MGA: variants seen among roughly 807,000 people sequenced by gnomAD.
The protein encoded by MGA is MAX gene-associated protein.
In MGA, 40 loss-of-function variants were observed where a neutral mutation model predicts 261.1. The ratio of observed to expected loss-of-function variants is 0.15; its 90% CI spans 0.12 to 0.20. The LOEUF (loss-of-function observed/expected upper bound fraction) is 0.20. Ranked by LOEUF, MGA falls within the 10% of genes least tolerant of loss-of-function variation. The pLI, the probability that MGA is intolerant of heterozygous loss-of-function variation, is 1.00. For synonymous variants in MGA, 1,302 were observed against 1,290.6 expected (o/e 1.01, Z -0.19); for missense variants, 3,397 against 3,630.5 (o/e 0.94, Z 1.65).
intron 11 of MGA, among the ~76,000 whole-genome samples, chr15:41,729,621 A>G (rs1417338547): frequency 6.6e-6 from 1 of 151,896 alleles, no homozygotes; most frequent in East Asian, 1.9e-4. Flanking sequence ...CAGGAGTTTG[A>G]GGCTAGCCTG....
At chr15:41,642,309 GTGT>G (rs1348262342) in intron 1 of MGA, among the ~76,000 whole-genome samples, 13 of 148,404 alleles carry the variant, frequency 8.8e-5, no homozygotes, top group African/African-American at 3.0e-4. Context: ...TTAATTTGTG[GTGT>G]TTTTTTTTTT....
chr15:41,697,205 A>C (rs2151305600), intron 3 of MGA, among the ~76,000 whole-genome samples, 182 bp downstream of exon 3: 1 of 152,286 alleles, frequency 6.6e-6, no homozygotes, highest in East Asian at 1.9e-4. Flanking sequence ...GAATAACTTA[A>C]GATACTTCAT....
chr15:41,733,045 G>A (rs1334596567), intron 11 of MGA, among the ~76,000 whole-genome samples: 2 of 152,066 alleles, frequency 1.3e-5, no homozygotes, highest in Non-Finnish European at 1.5e-5. Context: ...TGCAACCACC[G>A]TCTCTGGGGT....
Position 41,725,608 on chromosome 15 carries a change from C to T in MGA, c.3431-1572C>T, listed in dbSNP as rs1460680090. Among the ~76,000 whole-genome samples, 5 of 8,352 alleles carry T rather than the reference C, an allele frequency of 6.0e-4. 2 individuals carry two copies. 5.5% of individuals were successfully genotyped at this position (8,352 alleles called of 152,430 possible). A position where few individuals can be genotyped will look rare whatever the true frequency, so the allele number is the denominator to read the frequency against. ...CAGCACTTTGGGAGGCCGAGGCGGGCGGATCACGAGGTCAGGAGATCGAGA... is the reference window on the plus strand; with the variant it reads ...CAGCACTTTGGGAGGCCGAGGCGGGTGGATCACGAGGTCAGGAGATCGAGA... On this transcript the variant is annotated intron_variant, in intron 9 of 23. Coordinates refer to ENST00000219905, the MANE Select transcript of MGA (RefSeq NM_001164273.2).
Position 41,696,596 on chromosome 15 carries a change from G to A in MGA, c.1586G>A (p.Gly529Asp). ...TGCTTAGGCAAGGAATCAGAAAATG[G>A]TCTTAGAAAACATTCACCAGATCTC... The change falls in exon 3 of 24, where the codon GGT (glycine) becomes GAT (aspartate). Residue 529 changes from glycine (G) to aspartate (D), a missense_variant. By Grantham distance (94) the Gly-to-Asp change is moderately conservative. This residue lies in a region of MGA where 563 missense variants were observed against 563.6 expected (regional missense o/e 1.00). Transcript: ENST00000219905. 1 of 1,613,894 alleles carries A rather than the reference G, an allele frequency of 6.2e-7. No individual in the cohort carries two copies. Among genetic ancestry groups the A allele is most frequent in the Middle Eastern group, 1.6e-4 (1 of 6,062 alleles).
At chr15:41,653,557 ATATT>A (rs1346180267) in intron 1 of MGA, among the ~76,000 whole-genome samples, 1 of 151,732 alleles carries the variant, frequency 6.6e-6, no homozygotes, top group Non-Finnish European at 1.5e-5. Flanking sequence ...AAAAATATAT[ATATT>A]AGCCAGTTGT....
At chr15:41,730,457 G>A (rs1164002167) in intron 11 of MGA, among the ~76,000 whole-genome samples, 2 of 151,786 alleles carry the variant, frequency 1.3e-5, no homozygotes, top group African/African-American at 4.8e-5. Context: ...AAAAAAAAAT[G>A]TAATTAAGCA....
chr15:41,660,090 T>G (rs566352263), upstream of MGA, among the ~76,000 whole-genome samples: 2 of 152,310 alleles, frequency 1.3e-5, no homozygotes, highest in Admixed American at 1.3e-4. Flanking sequence ...AAAGGCACAG[T>G]TGAGAAAGGC....
At chr15:41,622,091 GTT>G (rs1305867788) in intron 1 of MGA, among the ~76,000 whole-genome samples, 12 of 152,164 alleles carry the variant, frequency 7.9e-5, no homozygotes, top group African/African-American at 2.9e-4. Flanking sequence ...CCGGCCTGTG[GTT>G]TTCCAGCGTC....
At chr15:41,679,742 G>A (rs768984520) in intron 2 of MGA, among the ~76,000 whole-genome samples, 11 of 151,060 alleles carry the variant, frequency 7.3e-5, no homozygotes, top group South Asian at 2.1e-4. Context: ...GACTGAGTGC[G>A]TTTTTTTTGT....
chr15:41,743,177 G>T lies in MGA; in HGVS notation c.5212+5G>T. The T allele has an allele frequency of 6.3e-7, 1 of 1,598,298 alleles. No homozygotes were observed. Among genetic ancestry groups the T allele is most frequent in the Non-Finnish European group, 8.5e-7 (1 of 1,170,802 alleles). On this transcript the variant is annotated splice_donor_5th_base_variant and intron_variant, in intron 15 of 23. Coordinates refer to ENST00000219905, the MANE Select transcript of MGA (RefSeq NM_001164273.2). ...CACCAGTGAGCCAGAGACCAGGTAA[G>T]GCCTAGATGTTACTAGCTGCTTTAT...
rs766042106 is a variant in MGA at position 41,710,811 on chromosome 15, C to T, written c.2546C>T (p.Pro849Leu). The T allele has an allele frequency of 2.4e-5, 39 of 1,613,940 alleles. No homozygotes were observed. The highest frequency in any genetic ancestry group is 3.1e-5 in the Non-Finnish European group (36 of 1,179,880). ...AGCATGGGTTTTTCTTCTAATGCTCCCACATCTCCTGTGGTGTACCAGCTT... is the reference window on the plus strand; with the variant it reads ...AGCATGGGTTTTTCTTCTAATGCTCTCACATCTCCTGTGGTGTACCAGCTT... The change falls in exon 8 of 24, where the codon CCC (proline) becomes CTC (leucine). Residue 849 changes from proline (P) to leucine (L), a missense_variant. Physicochemically the swap from Pro to Leu is moderately conservative, Grantham distance 98. Coordinates refer to ENST00000219905, the MANE Select transcript of MGA (RefSeq NM_001164273.2).
chr15:41,756,967 C>CT (rs1340326581), intron 18 of MGA, among the ~76,000 whole-genome samples: 1 of 98,052 alleles, frequency 1.0e-5, no homozygotes, highest in Admixed American at 1.3e-4. Flanking sequence ...TAAAGTGGTA[C>CT]TTTTTTTGTT....
upstream of MGA, among the ~76,000 whole-genome samples, chr15:41,660,086 A>T (rs1053049078): frequency 1.3e-5 from 2 of 152,220 alleles, no homozygotes; most frequent in Non-Finnish European, 2.9e-5. Flanking sequence ...GGTGAAAGGC[A>T]CAGTTGAGAA....
intron 1 of MGA, among the ~76,000 whole-genome samples, chr15:41,655,178 CTTTTTT>C (rs35648576): frequency 7.7e-6 from 1 of 129,650 alleles, no homozygotes; most frequent in Admixed American, 7.7e-5. Context: ...TTTTAATTTA[CTTTTTT>C]TTTTTTTTTT....
chr15:41,638,188 G>T (rs2056748343), intron 1 of MGA, among the ~76,000 whole-genome samples: 1 of 150,514 alleles, frequency 6.6e-6, no homozygotes, highest in Admixed American at 6.7e-5. Flanking sequence ...AACTATAGGT[G>T]TGCGCTGCCA....
At chr15:41,652,780 TA>T (rs2057093534) in intron 1 of MGA, among the ~76,000 whole-genome samples, 2 of 152,034 alleles carry the variant, frequency 1.3e-5, no homozygotes, top group Non-Finnish European at 2.9e-5. Context: ...TGTTTTTATT[TA>T]TTCATTTTCC....
Position 41,749,598 on chromosome 15 carries a change from A to G in MGA, c.5991A>G (p.Glu1997=), listed in dbSNP as rs372004117. The stretch of plus-strand genomic sequence containing the variant: ...AAACGAAGAAGGTTCTACAGTCAGA[A>G]GGAGAGGCTGTAGACCCTGAGGCTA... Residue 1997 remains glutamate (E), a synonymous_variant, in exon 17 of 24, where the codon GAA becomes GAG. Transcript: ENST00000219905. 1.1e-4 allele frequency: 173 copies of G among 1,613,808 alleles called. 1 individual carries two copies. The African/African-American group carries it at 2.1e-3, about 20-fold the overall frequency.
At chr15:41,656,326 C>G (rs1225805171), upstream of MGA, among the ~76,000 whole-genome samples, 1 of 116,264 alleles carries the variant, frequency 8.6e-6, no homozygotes, top group East Asian at 4.2e-4. Flanking sequence ...GTTTCTTTCT[C>G]TCTCTCCCTC....
Sources: gnomAD v4.1 joint callset for allele counts (sites outside exome capture counted in the v4.1 genomes callset) on GRCh38, gnomAD v4.1.1 for gene constraint, gnomAD v4.1.1 regional missense constraint, MANE v1.5 for transcripts, NCBI Gene and HGNC (gene_info 2026-07-23, HGNC 2026-07-21) for gene names.